Variants in PDZD2 observed in about 807,000 individuals in gnomAD.
PDZD2 encodes PDZ domain-containing protein 2.
Under a neutral mutation model 220.7 loss-of-function variants are expected in PDZD2, and 90 were observed. The observed-to-expected ratio is 0.41, with a 90% CI of 0.34 to 0.49. The LOEUF (loss-of-function observed/expected upper bound fraction) is 0.49, where lower values mean the gene tolerates loss of function less well. PDZD2 is among the 20% of genes least tolerant of loss of function. The pLI is 0.28. For missense variants in PDZD2, 3,174 were observed against 3,608.5 expected (o/e 0.88, Z 3.08); for synonymous variants, 1,375 against 1,450.5 (o/e 0.95, Z 1.18).
At chr5:31,900,774 TC>T (rs1231526017) in intron 2 of PDZD2, among the ~76,000 whole-genome samples, 1 of 152,144 alleles carries the variant, frequency 6.6e-6, no homozygotes, top group African/African-American at 2.4e-5. Flanking sequence ...CAGCTAGTTT[TC>T]CTTCCTTGAA....
intron 19 of PDZD2, among the ~76,000 whole-genome samples, chr5:32,085,860 T>C (rs1208002297): frequency 6.6e-6 from 1 of 152,220 alleles, no homozygotes; most frequent in Non-Finnish European, 1.5e-5. Context: ...AACTGTTTTT[T>C]TTTTTTCTAT....
intron 6 of PDZD2, among the ~76,000 whole-genome samples, chr5:32,025,569 G>C (rs1754578993): frequency 7.6e-6 from 1 of 131,988 alleles, no homozygotes; most frequent in Admixed American, 7.9e-5. Flanking sequence ...AACAACTAGT[G>C]AGCCCAAATG....
intron 2 of PDZD2, among the ~76,000 whole-genome samples, chr5:31,850,487 C>T (rs140899688): frequency 1.1e-4 from 17 of 151,828 alleles, no homozygotes; most frequent in African/African-American, 3.9e-4. Flanking sequence ...CGTTTTCTAG[C>T]CTCACTTCTG....
At chr5:31,683,601 T>C (rs1422789512) in intron 1 of PDZD2, among the ~76,000 whole-genome samples, 2 of 152,232 alleles carry the variant, frequency 1.3e-5, no homozygotes, top group Non-Finnish European at 2.9e-5. Flanking sequence ...ATTTTTCACA[T>C]AACGTGCCTG....
intron 2 of PDZD2, among the ~76,000 whole-genome samples, chr5:31,915,324 T>TTCTG (rs1743587737): frequency 6.6e-6 from 1 of 152,160 alleles, no homozygotes; most frequent in Non-Finnish European, 1.5e-5. Flanking sequence ...GGCCCCCAGA[T>TTCTG]TCTGCTCATT....
intron 19 of PDZD2, among the ~76,000 whole-genome samples, chr5:32,080,569 G>GT (rs1375082637): frequency 6.6e-6 from 1 of 151,986 alleles, no homozygotes; most frequent in African/African-American, 2.4e-5. Context: ...CAAAGGGTTG[G>GT]TTTTTTTCAC....
intron 2 of PDZD2, among the ~76,000 whole-genome samples, chr5:31,855,952 C>T (rs923515631): frequency 6.6e-6 from 1 of 152,058 alleles, no homozygotes; most frequent in Non-Finnish European, 1.5e-5. Context: ...CAGCTGTCAT[C>T]CTGGGAACCA....
rs1402867731 is a variant in PDZD2, at chr5:32,108,795, T to TTCAAC, written c.*665_*669dup. On this transcript the variant is annotated 3_prime_UTR_variant, in exon 25 of 25. Transcript: ENST00000438447. The stretch of plus-strand genomic sequence containing the variant: ...TAATGTATAATGTACGTATGCAAAG[T>TTCAAC]TCAACTCAATAGGTTATTGATCACC... 6.5e-6 allele frequency: 1 copy of TTCAAC among 152,684 alleles called. No individual in the cohort carries two copies. The highest frequency in any genetic ancestry group is 2.4e-5 in the African/African-American group (1 of 41,468). The allele number at this position is 152,684 out of a possible 1,614,324, so 9.5% of individuals were successfully genotyped here. A position where few individuals can be genotyped will look rare whatever the true frequency, so the allele number is the denominator to read the frequency against.
chr5:31,671,001 TG>T (rs1746195218), intron 1 of PDZD2, among the ~76,000 whole-genome samples: 1 of 151,978 alleles, frequency 6.6e-6, no homozygotes, highest in African/African-American at 2.4e-5. Flanking sequence ...AGGTTGCTTT[TG>T]GGGGCACGAT....
rs748170414 is a variant in PDZD2, at chr5:31,840,396, TTATATATATATATATATATATATA to T, written c.476+40702_476+40725del. On this transcript the variant is annotated intron_variant, in intron 2 of 24. Transcript: ENST00000438447. ...CTCATTCAAAGAGTAGTCATTTTCA[TTATATATATATATATATATATATA>T]TATATATATATATATATATATATAT... 4.2e-3 allele frequency: 82 copies of T among 19,342 alleles called. 2 individuals are homozygous for T. Among genetic ancestry groups the T allele is most frequent in the East Asian group, 0.028 (18 of 636 alleles). 1.2% of individuals were successfully genotyped at this position (19,342 alleles called of 1,614,324 possible). A position where few individuals can be genotyped will look rare whatever the true frequency, so the allele number is the denominator to read the frequency against.
At chr5:32,067,810 A>G (rs1420469129) in intron 14 of PDZD2, among the ~76,000 whole-genome samples, 1 of 152,224 alleles carries the variant, frequency 6.6e-6, no homozygotes, top group Non-Finnish European at 1.5e-5. Context: ...AAAAACATCC[A>G]TGAATCTGCC....
At chr5:32,034,453 G>A (rs1007917604) in intron 6 of PDZD2, among the ~76,000 whole-genome samples, 6 of 151,118 alleles carry the variant, frequency 4.0e-5, no homozygotes, top group African/African-American at 1.5e-4. Context: ...CTGCCTCCCA[G>A]GCTCGAGCTA....
intron 4 of PDZD2, among the ~76,000 whole-genome samples, chr5:31,998,065 AC>A (rs1214506933): frequency 6.6e-6 from 1 of 151,360 alleles, no homozygotes; most frequent in Non-Finnish European, 1.5e-5. Flanking sequence ...CTGGTCTTGA[AC>A]TCCTGACCTC....
intron 15 of PDZD2, among the ~76,000 whole-genome samples, chr5:32,070,115 C>A (rs1460129155): frequency 6.6e-6 from 1 of 151,988 alleles, no homozygotes; most frequent in Non-Finnish European, 1.5e-5. Flanking sequence ...GCAGAGAAGG[C>A]TTGAGATAGT....
intron 1 of PDZD2, among the ~76,000 whole-genome samples, chr5:31,739,155 G>A (rs1396396450): frequency 6.6e-6 from 1 of 152,094 alleles, no homozygotes; most frequent in African/African-American, 2.4e-5. Context: ...CAATGTGCTG[G>A]GATTACAGGC....
chr5:31,733,285 A>C (rs1244766698), intron 1 of PDZD2, among the ~76,000 whole-genome samples: 1 of 152,190 alleles, frequency 6.6e-6, no homozygotes, highest in Non-Finnish European at 1.5e-5. Context: ...ACAGAATTTC[A>C]AACCGTATTT....
At chr5:32,055,544 T>TC (rs1739015901) in intron 10 of PDZD2, among the ~76,000 whole-genome samples, 1 of 151,884 alleles carries the variant, frequency 6.6e-6, no homozygotes, top group South Asian at 2.1e-4. Flanking sequence ...CCCGATTTTT[T>TC]CCTCTCACTT....
At chr5:32,053,944 C>T in intron 10 of PDZD2, 61 bp downstream of exon 10, 1 of 965,836 alleles carries the variant, frequency 1.0e-6, no homozygotes, top group Non-Finnish European at 1.7e-6. Flanking sequence ...GAATCTGCCT[C>T]TTCACAAGAT....
intron 20 of PDZD2, among the ~76,000 whole-genome samples, chr5:32,091,418 G>A (rs997521108): frequency 1.3e-5 from 2 of 151,492 alleles, no homozygotes; most frequent in African/African-American, 2.4e-5. Context: ...CTGAGTAGCT[G>A]GGATTACAGG....
Sources: gnomAD v4.1 joint callset for allele counts (sites outside exome capture counted in the v4.1 genomes callset) on GRCh38, gnomAD v4.1.1 for gene constraint, MANE v1.5 for transcripts, NCBI Gene and HGNC (gene_info 2026-07-23, HGNC 2026-07-21) for gene names.